The following ASAP2 variants were observed in gnomAD, a reference collection of about 807,000 sequenced individuals.
ASAP2 encodes ArfGAP with SH3 domain, ankyrin repeat and PH domain 2, also known as arf-GAP with SH3 domain, ANK repeat and PH domain-containing protein 2.
Under a neutral mutation model 131.4 loss-of-function variants are expected in ASAP2, and 45 were observed. The ratio of observed to expected loss-of-function variants is 0.34; its 90% CI spans 0.27 to 0.44. ASAP2 has a LOEUF of 0.44. Ranked by LOEUF, ASAP2 falls within the 20% of genes least tolerant of loss-of-function variation. The pLI is 1.00. For synonymous variants in ASAP2, 510 were observed against 503.0 expected (o/e 1.01, Z -0.19); for missense variants, 1,011 against 1,297.0 (o/e 0.78, Z 3.39).
At chr2:9,293,820 A>G (rs1325962186) in intron 2 of ASAP2, among the ~76,000 whole-genome samples, 1 of 152,142 alleles carries the variant, frequency 6.6e-6, no homozygotes, top group Non-Finnish European at 1.5e-5. Context: ...AAAGATTCCC[A>G]CTGACCTCAA....
intron 20 of ASAP2, 76 bp downstream of exon 20, chr2:9,380,884 G>T: frequency 6.8e-7 from 1 of 1,469,626 alleles, no homozygotes; most frequent in Non-Finnish European, 9.4e-7. Flanking sequence ...CCTTGGGCAG[G>T]GTTTGCTGTG....
At chr2:9,262,635 G>A (rs1665654483) in intron 1 of ASAP2, among the ~76,000 whole-genome samples, 1 of 152,158 alleles carries the variant, frequency 6.6e-6, no homozygotes, top group African/African-American at 2.4e-5. Flanking sequence ...TCCAGCACTG[G>A]GTTTTCTCAT....
intron 1 of ASAP2, among the ~76,000 whole-genome samples, chr2:9,230,215 ACAGAGG>A (rs1315116451): frequency 6.6e-6 from 1 of 152,210 alleles, no homozygotes; most frequent in African/African-American, 2.4e-5. Flanking sequence ...GTGTCAGGAT[ACAGAGG>A]CAGTTGCTAT....
intron 21 of ASAP2, among the ~76,000 whole-genome samples, chr2:9,386,235 A>G (rs1675251049): frequency 6.6e-6 from 1 of 151,900 alleles, no homozygotes; most frequent in Admixed American, 6.5e-5. Context: ...ACCAGATGGC[A>G]TTTCTGAAAC....
intron 1 of ASAP2, among the ~76,000 whole-genome samples, chr2:9,253,082 C>T (rs1212055064): frequency 6.6e-6 from 1 of 152,130 alleles, no homozygotes; most frequent in Non-Finnish European, 1.5e-5. Context: ...AAACGAAAGT[C>T]GTTTTTTGTT....
At chr2:9,306,052 C>G (rs1412190185) in intron 3 of ASAP2, among the ~76,000 whole-genome samples, 2 of 109,564 alleles carry the variant, frequency 1.8e-5, no homozygotes, top group Admixed American at 1.2e-4. Flanking sequence ...GGGAGAGTAT[C>G]GATATGAGGT....
rs1240097509 is a variant in ASAP2 at position 9,391,096 on chromosome 2, G to A, written c.2418G>A (p.Lys806=). Residue 806 remains lysine, a synonymous_variant, in exon 23 of 28, where the codon AAG becomes AAA. Transcript: ENST00000281419. ...CCTCCTCTGCTAACACCCTGTGGAA[G>A]ACAAACTCTGTAAGTGTGGACGGTG... The part of the protein sequence containing the change: ...QTASSANTLW[K]TNSVSVDGGS... The A allele has an allele frequency of 6.2e-7, 1 of 1,614,266 alleles. No homozygotes were observed. Among genetic ancestry groups the A allele is most frequent in the Non-Finnish European group, 8.5e-7 (1 of 1,180,058 alleles).
At chr2:9,212,506 G>T (rs932561944) in intron 1 of ASAP2, among the ~76,000 whole-genome samples, 1 of 152,096 alleles carries the variant, frequency 6.6e-6, no homozygotes, top group Admixed American at 6.5e-5. Context: ...ATCTACTCCT[G>T]AGGTGGTGGC....
rs111533527 is a variant in ASAP2, at chr2:9,395,301, C to T, written c.2684+1654C>T. On this transcript the variant is annotated intron_variant, in intron 24 of 27. Coordinates refer to ENST00000281419, the MANE Select transcript of ASAP2 (RefSeq NM_003887.3). ...CAGCCTGGCCAACATGGCAAAACCC[C>T]ACCTCTACTAAAAATACAAAAAAAT... is the stretch of plus-strand genomic sequence containing the variant. Among the ~76,000 whole-genome samples, 1,132 of 152,208 alleles carry T rather than the reference C, an allele frequency of 7.4e-3. 13 individuals are homozygous for T. Among genetic ancestry groups the T allele is most frequent in the Middle Eastern group, 0.024 (7 of 294 alleles).
chr2:9,391,523 T>C (rs532524362), intron 23 of ASAP2, among the ~76,000 whole-genome samples: 1 of 152,252 alleles, frequency 6.6e-6, no homozygotes, highest in Admixed American at 6.5e-5. Context: ...TTTCAATATT[T>C]TGGGGACAGT....
chr2:9,342,487 C>T (rs1398414798), intron 9 of ASAP2, among the ~76,000 whole-genome samples: 1 of 152,224 alleles, frequency 6.6e-6, no homozygotes, highest in Non-Finnish European at 1.5e-5. Flanking sequence ...CCTTACCTCA[C>T]ACCATAATCA....
In ASAP2 at chr2:9,335,234, T is replaced by C. The variant is rs1039697454; in HGVS notation, c.849+55T>C. 4.6e-6 allele frequency: 7 copies of C among 1,525,826 alleles called. No homozygotes were observed. The Admixed American group carries it at 8.4e-5, about 18-fold the overall frequency. The allele number at this position is 1,525,826 out of a possible 1,614,324, so 94.5% of individuals were successfully genotyped here. ...GTTTTCACCCCATTCTTGGAGGCTT[T>C]GGGTCTGAAGAACATGAAGTTCATG... is the stretch of plus-strand genomic sequence containing the variant. On this transcript the variant is annotated intron_variant, in intron 9 of 27. Coordinates refer to ENST00000281419, the MANE Select transcript of ASAP2 (RefSeq NM_003887.3).
At chr2:9,371,622 G>T (rs780934399) in intron 16 of ASAP2, among the ~76,000 whole-genome samples, 3 of 152,268 alleles carry the variant, frequency 2.0e-5, no homozygotes, top group South Asian at 2.1e-4. Flanking sequence ...ACGGATCTTG[G>T]GGGTGTCAGG....
intron 1 of ASAP2, among the ~76,000 whole-genome samples, chr2:9,208,586 A>G (rs1165712098): frequency 6.6e-6 from 1 of 152,210 alleles, no homozygotes; most frequent in African/African-American, 2.4e-5. Flanking sequence ...TAACTTGGGT[A>G]GCCTTCCTTC....
chr2:9,309,844 T>C (rs1006096926), intron 3 of ASAP2, among the ~76,000 whole-genome samples: 1 of 152,216 alleles, frequency 6.6e-6, no homozygotes, highest in Non-Finnish European at 1.5e-5. Flanking sequence ...TTAAGTTTAA[T>C]CAATTTAAAT....
chr2:9,318,671 G>T, intron 4 of ASAP2, 73 bp downstream of exon 4: 1 of 1,009,074 alleles, frequency 9.9e-7, no homozygotes. Context: ...GGCCTGCCGG[G>T]CAGCAGCCAC....
chr2:9,385,839 G>C (rs1273416097), intron 21 of ASAP2, among the ~76,000 whole-genome samples: 1 of 152,198 alleles, frequency 6.6e-6, no homozygotes, highest in East Asian at 1.9e-4. Context: ...AAGTTGACTT[G>C]GCCAAAGTGA....
intron 1 of ASAP2, among the ~76,000 whole-genome samples, chr2:9,267,654 T>C (rs1459873377): frequency 6.6e-6 from 1 of 152,028 alleles, no homozygotes; most frequent in Non-Finnish European, 1.5e-5. Context: ...CCCAGCACTT[T>C]GGGAGGTCAA....
At chr2:9,276,172 G>A (rs944568760) in intron 1 of ASAP2, among the ~76,000 whole-genome samples, 4 of 152,218 alleles carry the variant, frequency 2.6e-5, no homozygotes, top group Non-Finnish European at 5.9e-5. Context: ...CAGGTAGAAG[G>A]TGCTCACACC....
Sources: gnomAD v4.1 joint callset for allele counts (sites outside exome capture counted in the v4.1 genomes callset) on GRCh38, gnomAD v4.1.1 for gene constraint, MANE v1.5 for transcripts, NCBI Gene and HGNC (gene_info 2026-07-23, HGNC 2026-07-21) for gene names.